DLG2: variants seen among roughly 807,000 people sequenced by gnomAD.
The protein encoded by DLG2 is disks large homolog 2.
In DLG2, 45 loss-of-function variants were observed where a neutral mutation model predicts 132.5. The ratio of observed to expected loss-of-function variants is 0.34; its 90% CI spans 0.27 to 0.44. The LOEUF is 0.44. Ranked by LOEUF, DLG2 falls within the 20% of genes least tolerant of loss-of-function variation. The pLI is 1.00. For synonymous variants in DLG2, 424 were observed against 419.6 expected (o/e 1.01, Z -0.13); for missense variants, 1,045 against 1,196.9 (o/e 0.87, Z 1.87).
intron 3 of DLG2, among the ~76,000 whole-genome samples, chr11:85,544,813 G>A (rs563432732): frequency 9.9e-5 from 15 of 152,256 alleles, no homozygotes; most frequent in South Asian, 2.1e-4. Context: ...GTATAAGAAC[G>A]CTTGAGATTT....
intron 6 of DLG2, chr11:84,800,562 A>T (rs1030868167): frequency 2.6e-5 from 4 of 152,224 alleles, no homozygotes; most frequent in African/African-American, 9.6e-5. Context: ...ACAATGTCCA[A>T]GGCCAAATAA....
At chr11:84,444,368 AT>A (rs2099026687) in intron 7 of DLG2, among the ~76,000 whole-genome samples, 1 of 152,236 alleles carries the variant, frequency 6.6e-6, no homozygotes, top group Admixed American at 6.5e-5. Flanking sequence ...CATGTACCCA[AT>A]AACTTAAAAG....
At chr11:85,065,565 A>AT (rs34936538) in intron 6 of DLG2, among the ~76,000 whole-genome samples, 3 of 150,678 alleles carry the variant, frequency 2.0e-5, no homozygotes, top group South Asian at 2.1e-4. Context: ...TTTATTAAAA[A>AT]TTTTTTTTAT....
intron 17 of DLG2, among the ~76,000 whole-genome samples, chr11:83,801,051 T>C (rs1025624614): frequency 1.3e-5 from 2 of 152,154 alleles, no homozygotes; most frequent in Non-Finnish European, 2.9e-5. Context: ...CTCCCAAACA[T>C]GTTTCTCGAG....
At chr11:85,395,512 C>T (rs537523117) in intron 3 of DLG2, among the ~76,000 whole-genome samples, 9 of 152,190 alleles carry the variant, frequency 5.9e-5, no homozygotes, top group South Asian at 4.2e-4. Context: ...CAAGGGAAGC[C>T]GTGACAGGCC....
chr11:85,436,812 C>T (rs924915876), intron 3 of DLG2, among the ~76,000 whole-genome samples: 1 of 152,090 alleles, frequency 6.6e-6, no homozygotes. Flanking sequence ...GGTATATACC[C>T]AAAGAAATAT....
chr11:84,331,331 T>A (rs2098457298), intron 7 of DLG2, among the ~76,000 whole-genome samples: 1 of 151,724 alleles, frequency 6.6e-6, no homozygotes, highest in Non-Finnish European at 1.5e-5. Flanking sequence ...TCAGAGAAAC[T>A]AAGTAATTGC....
intron 5 of DLG2, among the ~76,000 whole-genome samples, chr11:85,122,961 A>ATATAT (rs1555376363): frequency 1.1e-4 from 6 of 53,184 alleles, no homozygotes; most frequent in South Asian, 9.6e-4. Context: ...ATATATATAT[A>ATATAT]TATATATATT....
intron 3 of DLG2, among the ~76,000 whole-genome samples, chr11:85,287,698 T>C (rs1284630186): frequency 6.6e-6 from 1 of 152,104 alleles, no homozygotes; most frequent in Admixed American, 6.6e-5. Flanking sequence ...AAAATATTCC[T>C]AACAGCATAG....
intron 18 of DLG2, among the ~76,000 whole-genome samples, chr11:83,642,661 T>C (rs1011243838): frequency 6.6e-6 from 1 of 152,202 alleles, no homozygotes; most frequent in Non-Finnish European, 1.5e-5. Flanking sequence ...ATCAGACTTA[T>C]TGCAAAATGG....
chr11:84,075,572 T>C (rs1439511836), intron 10 of DLG2, among the ~76,000 whole-genome samples: 1 of 152,228 alleles, frequency 6.6e-6, no homozygotes, highest in Non-Finnish European at 1.5e-5. Flanking sequence ...AAGAACTTCT[T>C]AAATTTATAC....
intron 6 of DLG2, among the ~76,000 whole-genome samples, chr11:85,027,080 G>A (rs975229298): frequency 1.3e-5 from 2 of 150,108 alleles, no homozygotes; most frequent in Non-Finnish European, 2.9e-5. Context: ...GGTGTCAGTC[G>A]CTAAAAGAAA....
intron 14 of DLG2, 59 bp from the exon 15 acceptor site, chr11:83,930,542 T>C: frequency 1.3e-6 from 2 of 1,507,662 alleles, no homozygotes; most frequent in Non-Finnish European, 1.8e-6. Context: ...GGAACACCTG[T>C]GCAACCAGTA....
At chr11:84,563,777 C>A (rs1053802121) in intron 6 of DLG2, among the ~76,000 whole-genome samples, 56 of 152,268 alleles carry the variant, frequency 3.7e-4, no homozygotes, top group African/African-American at 1.3e-3. Context: ...TCTGAAGTAG[C>A]TGTGTGACAT....
chr11:83,636,046 A>G (rs1368083839), intron 18 of DLG2, among the ~76,000 whole-genome samples: 1 of 152,188 alleles, frequency 6.6e-6, no homozygotes, highest in Non-Finnish European at 1.5e-5. Context: ...ATCTCTAAGT[A>G]CCACTAAATC....
At chr11:84,217,398 C>T (rs2096850790) in intron 8 of DLG2, among the ~76,000 whole-genome samples, 1 of 152,094 alleles carries the variant, frequency 6.6e-6, no homozygotes. Flanking sequence ...GGGGAGTTTC[C>T]CTACATAAAG....
At chr11:85,152,022 G>T (rs2077290286) in intron 5 of DLG2, among the ~76,000 whole-genome samples, 1 of 152,016 alleles carries the variant, frequency 6.6e-6, no homozygotes, top group Non-Finnish European at 1.5e-5. Flanking sequence ...AGAAAAAGAA[G>T]CTCCCTTCTA....
At chr11:84,451,824 G>A (rs1477947038) in intron 7 of DLG2, among the ~76,000 whole-genome samples, 3 of 151,796 alleles carry the variant, frequency 2.0e-5, no homozygotes, top group Non-Finnish European at 4.4e-5. Flanking sequence ...GGAATAAAAG[G>A]TGTTGGGAAT....
chr11:84,049,287 A>C (rs1358683126), intron 11 of DLG2, among the ~76,000 whole-genome samples: 2 of 151,872 alleles, frequency 1.3e-5, no homozygotes, highest in Admixed American at 1.3e-4. Context: ...TTGTCACATC[A>C]GTTATACAAT....
Sources: allele counts gnomAD v4.1 joint callset (sites outside exome capture counted in the v4.1 genomes callset), GRCh38; gene constraint gnomAD v4.1.1; transcripts MANE v1.5; gene names NCBI Gene and HGNC (gene_info 2026-07-23, HGNC 2026-07-21).